Variants in MAGI2 observed in about 807,000 individuals in gnomAD.
MAGI2 encodes membrane associated guanylate kinase, WW and PDZ domain containing 2.
Under a neutral mutation model 133.3 loss-of-function variants are expected in MAGI2, and 35 were observed. The observed-to-expected ratio is 0.26, with a 90% CI of 0.20 to 0.35. The LOEUF is 0.35. Among genes scored for constraint, MAGI2 ranks in the 10% least tolerant of loss-of-function variants. The probability of loss-of-function intolerance (pLI) is 1.00; values close to 1 mark genes in which losing one functional copy is unlikely to be tolerated. For missense variants in MAGI2, 1,636 were observed against 1,863.4 expected, an observed-to-expected ratio of 0.88 and a Z score of 2.25; for synonymous variants, 729 against 710.6, an observed-to-expected ratio of 1.03 and a Z score of -0.41.
intron 20 of MAGI2, among the ~76,000 whole-genome samples, chr7:78,125,359 A>C (rs1324167156): frequency 6.6e-6 from 1 of 152,230 alleles, no homozygotes; most frequent in African/African-American, 2.4e-5. Flanking sequence ...AAAAGATTCA[A>C]CCTTAATCAA....
At chr7:79,352,906 A>C (rs1841781215) in intron 1 of MAGI2, among the ~76,000 whole-genome samples, 1 of 152,046 alleles carries the variant, frequency 6.6e-6, no homozygotes, top group Non-Finnish European at 1.5e-5. Flanking sequence ...CCAACTAAGT[A>C]ATTTTGCTAA....
intron 20 of MAGI2, among the ~76,000 whole-genome samples, chr7:78,118,112 C>T (rs10224303): frequency 0.86 from 130,013 of 151,704 alleles, 56,117 homozygotes; most frequent in African/African-American, 0.91. Context: ...AAATAGTTAT[C>T]TCAACAAATG....
intron 1 of MAGI2, chr7:79,030,395 T>C (rs2116805296): frequency 6.6e-6 from 1 of 152,180 alleles, no homozygotes; most frequent in East Asian, 1.9e-4. Flanking sequence ...ATTGAGAAAA[T>C]GATGGTAACG....
At chr7:78,188,417 A>G (rs1156436737) in intron 12 of MAGI2, among the ~76,000 whole-genome samples, 4 of 152,210 alleles carry the variant, frequency 2.6e-5, no homozygotes, top group African/African-American at 9.6e-5. Flanking sequence ...CATACATTAT[A>G]CTAAGGATAA....
intron 1 of MAGI2, among the ~76,000 whole-genome samples, chr7:79,246,606 G>A (rs1382348703): frequency 2.0e-5 from 3 of 151,854 alleles, no homozygotes; most frequent in African/African-American, 7.3e-5. Flanking sequence ...CACAGTCAGA[G>A]GAGATAAAGG....
At chr7:79,097,296 G>A (rs1489371399) in intron 1 of MAGI2, among the ~76,000 whole-genome samples, 1 of 152,164 alleles carries the variant, frequency 6.6e-6, no homozygotes, top group African/African-American at 2.4e-5. Context: ...TTATTTCTCA[G>A]TTGTTTCCTT....
At chr7:78,022,863 T>C (rs1808537801) in intron 21 of MAGI2, among the ~76,000 whole-genome samples, 2 of 152,202 alleles carry the variant, frequency 1.3e-5, no homozygotes, top group African/African-American at 2.4e-5. Flanking sequence ...ATTCCTCTTA[T>C]AAAAGTTTCT....
intron 3 of MAGI2, among the ~76,000 whole-genome samples, chr7:78,562,924 C>T (rs1017750151): frequency 4.0e-5 from 6 of 151,596 alleles, no homozygotes; most frequent in Non-Finnish European, 8.8e-5. Context: ...GCTTGAAGGC[C>T]CCATAATTAT....
intron 6 of MAGI2, among the ~76,000 whole-genome samples, chr7:78,481,733 C>G (rs73150359): frequency 0.14 from 21,003 of 151,028 alleles, 1,645 homozygotes; most frequent in South Asian, 0.26. Flanking sequence ...GAACCTTAAC[C>G]TAACTCTTAT....
At chr7:78,464,614 T>C (rs1270275842) in intron 6 of MAGI2, among the ~76,000 whole-genome samples, 2 of 152,192 alleles carry the variant, frequency 1.3e-5, no homozygotes, top group East Asian at 1.9e-4. Flanking sequence ...AAGAACAATA[T>C]TAATCTACAG....
chr7:78,536,214 G>A (rs1171626216), intron 3 of MAGI2, among the ~76,000 whole-genome samples: 2 of 131,372 alleles, frequency 1.5e-5, no homozygotes, highest in Non-Finnish European at 3.1e-5. Context: ...CCGGGTTCAC[G>A]CCATTCTCCT....
intron 9 of MAGI2, among the ~76,000 whole-genome samples, chr7:78,311,262 C>T (rs1798678103): frequency 2.0e-5 from 3 of 152,228 alleles, no homozygotes; most frequent in Admixed American, 1.3e-4. Context: ...AAAAAGAAAC[C>T]AGATCCCAGG....
chr7:78,139,930 C>G (rs1822573821), intron 16 of MAGI2, among the ~76,000 whole-genome samples: 1 of 152,188 alleles, frequency 6.6e-6, no homozygotes. Context: ...TGGCTCTGCT[C>G]AATGTTCCAC....
chr7:79,380,841 A>T (rs1484279603), intron 1 of MAGI2, among the ~76,000 whole-genome samples: 1 of 151,776 alleles, frequency 6.6e-6, no homozygotes, highest in Non-Finnish European at 1.5e-5. Context: ...CTTCAAAGTA[A>T]TTATTTGTAT....
chr7:78,247,356 A>G (rs1791906569), intron 10 of MAGI2, among the ~76,000 whole-genome samples: 1 of 152,156 alleles, frequency 6.6e-6, no homozygotes, highest in African/African-American at 2.4e-5. Context: ...ACCAGCCACT[A>G]CATCTTTTTC....
intron 9 of MAGI2, among the ~76,000 whole-genome samples, chr7:78,288,507 C>A (rs1796375976): frequency 6.6e-6 from 1 of 152,136 alleles, no homozygotes; most frequent in Non-Finnish European, 1.5e-5. Flanking sequence ...TTCAAAGATG[C>A]CCAAGTAGGA....
chr7:79,053,285 T>C (rs949889305), intron 1 of MAGI2, among the ~76,000 whole-genome samples: 1 of 152,180 alleles, frequency 6.6e-6, no homozygotes, highest in African/African-American at 2.4e-5. Flanking sequence ...TATTCTTATA[T>C]ACTGTGATAC....
chr7:78,525,278 G>C (rs1307058020), intron 3 of MAGI2, among the ~76,000 whole-genome samples: 2 of 152,038 alleles, frequency 1.3e-5, no homozygotes, highest in Non-Finnish European at 2.9e-5. Context: ...TACTACACTT[G>C]ACAAATGTAA....
intron 1 of MAGI2, among the ~76,000 whole-genome samples, chr7:79,245,747 C>T (rs1832773732): frequency 6.6e-6 from 1 of 152,178 alleles, no homozygotes; most frequent in Admixed American, 6.5e-5. Flanking sequence ...TCAGGCTTCA[C>T]TATCTGCTGA....
Sources: allele counts gnomAD v4.1 joint callset (sites outside exome capture counted in the v4.1 genomes callset), GRCh38; gene constraint gnomAD v4.1.1; transcripts MANE v1.5; gene names NCBI Gene and HGNC (gene_info 2026-07-23, HGNC 2026-07-21).